The following SFXN5 variants were observed in gnomAD, a reference collection of about 807,000 sequenced individuals.
SFXN5 encodes the protein sideroflexin-5.
Under a neutral mutation model 50.2 loss-of-function variants are expected in SFXN5, and 43 were observed. The observed-to-expected ratio is 0.86, with a 90% CI of 0.67 to 1.11. The LOEUF (loss-of-function observed/expected upper bound fraction) is 1.11, where lower values mean the gene tolerates loss of function less well. Among genes scored for constraint, SFXN5 ranks in the 50% least tolerant of loss-of-function variants. The pLI, the probability that SFXN5 is intolerant of heterozygous loss-of-function variation, is 0.00. For missense variants in SFXN5, 463 were observed against 454.1 expected, an observed-to-expected ratio of 1.02 and a Z score of -0.18; for synonymous variants, 203 against 185.8, an observed-to-expected ratio of 1.09 and a Z score of -0.75.
At chr2:72,965,641 G>A (rs1032621385) in intron 12 of SFXN5, among the ~76,000 whole-genome samples, 5 of 152,162 alleles carry the variant, frequency 3.3e-5, no homozygotes, top group East Asian at 1.9e-4. Context: ...AGGTTTGAGC[G>A]GCAGAGCCCG....
At chr2:73,019,732 A>G (rs900389511) in intron 6 of SFXN5, 2 of 155,536 alleles carry the variant, frequency 1.3e-5, no homozygotes, top group African/African-American at 4.8e-5. Flanking sequence ...CCAGCCCTGG[A>G]TATGCTTGCT....
intron 13 of SFXN5, among the ~76,000 whole-genome samples, chr2:72,946,853 C>T (rs1277237001): frequency 6.6e-6 from 1 of 152,184 alleles, no homozygotes; most frequent in East Asian, 1.9e-4. Flanking sequence ...CTCCATGGCA[C>T]CCTGATCCTC....
At chr2:72,993,860 G>A (rs1204239101) in intron 9 of SFXN5, among the ~76,000 whole-genome samples, 1 of 152,182 alleles carries the variant, frequency 6.6e-6, no homozygotes, top group African/African-American at 2.4e-5. Context: ...CTGGGCCAGG[G>A]ACAAATATAT....
At chr2:72,955,119 G>A (rs867857315) in intron 13 of SFXN5, among the ~76,000 whole-genome samples, 10 of 152,112 alleles carry the variant, frequency 6.6e-5, no homozygotes, top group African/African-American at 1.9e-4. Context: ...CCTGCTCCCC[G>A]TACCTCACTC....
intron 12 of SFXN5, among the ~76,000 whole-genome samples, chr2:72,964,723 C>A (rs943237563): frequency 2.0e-5 from 3 of 152,232 alleles, no homozygotes; most frequent in African/African-American, 7.2e-5. Context: ...TTTCTTCTCC[C>A]CAGGGACCCT....
At chr2:73,047,283 T>C (rs78874762) in intron 2 of SFXN5, among the ~76,000 whole-genome samples, 18,616 of 73,086 alleles carry the variant, frequency 0.25, 2,833 homozygotes, top group African/African-American at 0.37. Flanking sequence ...TATACACACA[T>C]ATATATATAT....
At chr2:72,990,481 G>A (rs759050244) in intron 9 of SFXN5, among the ~76,000 whole-genome samples, 1 of 152,222 alleles carries the variant, frequency 6.6e-6, no homozygotes, top group Non-Finnish European at 1.5e-5. Context: ...GTGGGAGGAA[G>A]CTGGAGGACA....
rs189155472 is a variant in SFXN5 at position 73,051,635 on chromosome 2, G to A, written c.171+6893C>T. Among the ~76,000 whole-genome samples, 267 of 152,254 alleles carry A rather than the reference G, an allele frequency of 1.8e-3. 3 individuals are homozygous for A. Among genetic ancestry groups the A allele is most frequent in the African/African-American group, 6.2e-3 (259 of 41,546 alleles). On this transcript the variant is annotated intron_variant, in intron 2 of 13. Coordinates refer to ENST00000272433, the MANE Select transcript of SFXN5 (RefSeq NM_144579.3). ...GCTGCTTCCACATTTTTAGGTATTT[G>A]TTATAGCAACACCCCACTTCTGTAG...
intron 10 of SFXN5, among the ~76,000 whole-genome samples, chr2:72,977,879 CAAGAG>C: frequency 6.7e-6 from 1 of 149,388 alleles, no homozygotes; most frequent in African/African-American, 2.5e-5. Flanking sequence ...GAGGCTGAGG[CAAGAG>C]AATCACTTGA....
At chr2:73,033,536 G>A (rs920579916) in intron 3 of SFXN5, among the ~76,000 whole-genome samples, 3 of 152,212 alleles carry the variant, frequency 2.0e-5, no homozygotes, top group African/African-American at 7.2e-5. Flanking sequence ...ACTTGAAGGA[G>A]AGAATGAGTC....
chr2:72,945,562 TTC>T lies in SFXN5; in HGVS notation c.946-465_946-464del, dbSNP rs1273505874. 2.6e-5 allele frequency among the ~76,000 whole-genome samples: 4 copies of T among 152,106 alleles called. No individual in the cohort carries two copies. Among genetic ancestry groups the T allele is most frequent in the Non-Finnish European group, 5.9e-5 (4 of 67,968 alleles). On this transcript the variant is annotated intron_variant, in intron 13 of 13. Coordinates refer to ENST00000272433, the MANE Select transcript of SFXN5 (RefSeq NM_144579.3). The surrounding 1 kb of genome is among the most constrained non-coding windows in gnomAD (Gnocchi z 5.8). ...CTTCCAGCACCCCACTCACTCCTGC[TTC>T]TCTGTTTCCAGTCCCCTAGACCTAA...
At chr2:73,061,799 T>C (rs1682827305) in intron 1 of SFXN5, among the ~76,000 whole-genome samples, 1 of 152,160 alleles carries the variant, frequency 6.6e-6, no homozygotes, top group Non-Finnish European at 1.5e-5. Flanking sequence ...AGAAATGATA[T>C]TACATTTAAA....
intron 6 of SFXN5, 171 bp downstream of exon 6, chr2:73,020,068 C>G (rs1254338841): frequency 6.5e-6 from 4 of 615,016 alleles, no homozygotes; most frequent in Admixed American, 6.3e-5. Context: ...GTTTGCCAAT[C>G]AGCATCAAGA....
rs745655479 is a variant in SFXN5, at chr2:72,968,507, T to C, written c.768A>G (p.Arg256=). The change falls in exon 12 of 14, where the codon CGA becomes CGG. Residue 256 remains arginine, a synonymous_variant. Coordinates refer to ENST00000272433, the MANE Select transcript of SFXN5 (RefSeq NM_144579.3). The part of the protein sequence containing the change: ...RHALLETALT[R]VVLPMPILVL... Reference sequence around the variant, plus strand: ...CCAGGATGGGCATGGGCAGGACCACTCGCGTCAGCGCCGTCTCCAGCAGGG... The same window carrying C: ...CCAGGATGGGCATGGGCAGGACCACCCGCGTCAGCGCCGTCTCCAGCAGGG... The C allele has an allele frequency of 6.2e-7, 1 of 1,613,054 alleles. No homozygotes were observed. Among genetic ancestry groups the C allele is most frequent in the Non-Finnish European group, 8.5e-7 (1 of 1,179,912 alleles).
intron 2 of SFXN5, among the ~76,000 whole-genome samples, chr2:73,056,356 T>C (rs1449531082): frequency 2.0e-5 from 3 of 150,010 alleles, no homozygotes; most frequent in African/African-American, 2.5e-5. Context: ...CACTCCAGCC[T>C]GGGGGACAAG....
chr2:73,063,012 G>A (rs1002240759), intron 1 of SFXN5, among the ~76,000 whole-genome samples: 4 of 152,162 alleles, frequency 2.6e-5, no homozygotes, highest in Non-Finnish European at 4.4e-5. Context: ...GAGGTAGCAA[G>A]GCTGACCGAC....
intron 1 of SFXN5, among the ~76,000 whole-genome samples, chr2:73,065,838 A>G (rs943169495): frequency 6.6e-6 from 1 of 152,254 alleles, no homozygotes; most frequent in African/African-American, 2.4e-5. Context: ...TACAAGCATG[A>G]GCCACCGCGC....
At chr2:72,997,582 T>C (rs923227901) in intron 9 of SFXN5, 4 of 151,454 alleles carry the variant, frequency 2.6e-5, no homozygotes, top group Non-Finnish European at 4.4e-5. Flanking sequence ...AAATTTTTTA[T>C]TATTTATTTA....
chr2:72,998,247 T>C (rs997720817), intron 9 of SFXN5: 1 of 150,824 alleles, frequency 6.6e-6, no homozygotes, highest in African/African-American at 2.4e-5. Flanking sequence ...GGCTCAGGGG[T>C]GGGACAAGCA....
Sources: gnomAD v4.1 joint callset for allele counts (sites outside exome capture counted in the v4.1 genomes callset) on GRCh38, gnomAD v4.1.1 for gene constraint, Gnocchi (gnomAD v3.1) non-coding constraint, MANE v1.5 for transcripts, NCBI Gene and HGNC (gene_info 2026-07-23, HGNC 2026-07-21) for gene names.